The following ROBO2 variants were observed in gnomAD, a reference collection of about 807,000 sequenced individuals.
ROBO2 encodes the protein roundabout guidance receptor 2, also known as roundabout homolog 2.
A neutral mutation model predicts 160.8 loss-of-function variants in ROBO2; 53 were observed. The observed-to-expected ratio is 0.33, with a 90% confidence interval of 0.26 to 0.41. The LOEUF (loss-of-function observed/expected upper bound fraction) is 0.41, where lower values mean the gene tolerates loss of function less well. Ranked by LOEUF, ROBO2 falls within the 10% of genes least tolerant of loss-of-function variation. ROBO2 has a pLI of 1.00. For missense variants in ROBO2, 1,577 were observed against 1,722.4 expected, an observed-to-expected ratio of 0.92 and a Z score of 1.49; for synonymous variants, 664 against 611.7, an observed-to-expected ratio of 1.09 and a Z score of -1.26.
rs190957083 is a variant in ROBO2, at chr3:76,234,190, T to A, written c.109+296588T>A. 2.8e-4 allele frequency among the ~76,000 whole-genome samples: 43 copies of A among 152,344 alleles called. No individual in the cohort carries two copies. The East Asian group carries it at 7.9e-3, about 28-fold the overall frequency. On this transcript the variant is annotated intron_variant, in intron 2 of 26. Transcript: ENST00000487694. ...GGTTGCATAGTATTCCACGTGTATATGTACCACGTTTTTAAATCCAGTCTG... is the reference window on the plus strand; with the variant it reads ...GGTTGCATAGTATTCCACGTGTATAAGTACCACGTTTTTAAATCCAGTCTG...
intron 2 of ROBO2, among the ~76,000 whole-genome samples, chr3:76,997,039 G>T (rs2061054521): frequency 6.6e-6 from 1 of 152,038 alleles, no homozygotes; most frequent in Non-Finnish European, 1.5e-5. Flanking sequence ...TATTTAATTT[G>T]TATCCCTTCT....
At chr3:76,031,540 A>G (rs1009920893) in intron 2 of ROBO2, among the ~76,000 whole-genome samples, 1 of 152,152 alleles carries the variant, frequency 6.6e-6, no homozygotes, top group African/African-American at 2.4e-5. Flanking sequence ...AGGTCCCATC[A>G]ATACCGAATT....
intron 2 of ROBO2, among the ~76,000 whole-genome samples, chr3:76,981,817 C>T (rs945675146): frequency 2.0e-5 from 3 of 152,068 alleles, no homozygotes; most frequent in African/African-American, 7.2e-5. Context: ...ACAGGGACAT[C>T]ACATGGCAAA....
intron 2 of ROBO2, among the ~76,000 whole-genome samples, chr3:77,401,094 G>A (rs1218879797): frequency 6.6e-6 from 1 of 151,976 alleles, no homozygotes; most frequent in African/African-American, 2.4e-5. Context: ...GGATACAAAA[G>A]CATTGTAGAA....
rs1455706617 is a variant in ROBO2, at chr3:77,493,347, G to A, written c.771G>A (p.Arg257=). The change falls in exon 5 of 26, where the codon AGG becomes AGA. Residue 257 remains arginine (R), a synonymous_variant. Coordinates refer to ENST00000461745, the Ensembl canonical transcript of ROBO2. ...AAGGAGATCCTCAACCAACTGTGAG[G>A]TGGAAAAAGGATGATGCAGACTTGC... is the stretch of plus-strand genomic sequence containing the variant. The A allele has an allele frequency of 3.1e-6, 5 of 1,613,856 alleles. No individual in the cohort carries two copies. The African/African-American group carries it at 5.3e-5, about 17-fold the overall frequency.
At chr3:77,434,368 T>C (rs1359849653) in intron 2 of ROBO2, among the ~76,000 whole-genome samples, 1 of 152,268 alleles carries the variant, frequency 6.6e-6, no homozygotes, top group Non-Finnish European at 1.5e-5. Flanking sequence ...TAAACAAGTA[T>C]GTAATTGTGT....
chr3:76,256,357 TACACAC>T (rs746860395), intron 2 of ROBO2, among the ~76,000 whole-genome samples: 1 of 106,618 alleles, frequency 9.4e-6, no homozygotes, highest in African/African-American at 3.6e-5. Flanking sequence ...CTCTCTCACA[TACACAC>T]ACACACACAC....
intron 22 of ROBO2, among the ~76,000 whole-genome samples, chr3:77,621,811 T>C (rs566470313): frequency 4.6e-5 from 7 of 152,214 alleles, no homozygotes; most frequent in African/African-American, 1.7e-4. Context: ...CTTTTCTTCA[T>C]AAGGGCCAGC....
chr3:76,454,589 C>G (rs1210132569), intron 2 of ROBO2, among the ~76,000 whole-genome samples: 4 of 152,098 alleles, frequency 2.6e-5, no homozygotes, highest in Admixed American at 6.6e-5. Context: ...TATTTAACTT[C>G]CCTGAGTTCC....
At position 77,562,864 on chromosome 3, in the gene ROBO2, T is replaced by C. The variant is rs1582965317; in HGVS notation, c.1519+132T>C. 4.0e-6 allele frequency: 3 copies of C among 752,616 alleles called. No individual in the cohort carries two copies. The East Asian group carries it at 8.0e-5, about 20-fold the overall frequency. The allele number at this position is 752,616 out of a possible 1,614,324, so 46.6% of individuals were successfully genotyped here. A position where few individuals can be genotyped will look rare whatever the true frequency, so the allele number is the denominator to read the frequency against. On this transcript the variant is annotated intron_variant, in intron 10 of 25. Coordinates refer to ENST00000461745, the Ensembl canonical transcript of ROBO2. ...TTTTAGCCTTTACATTCAATGCCAT[T>C]TTTTAATTCATGCATGAATTTGCAC...
At chr3:77,098,786 G>T (rs1054571785) in intron 2 of ROBO2, among the ~76,000 whole-genome samples, 7 of 152,084 alleles carry the variant, frequency 4.6e-5, no homozygotes, top group African/African-American at 1.4e-4. Flanking sequence ...AACCCGGGAG[G>T]CGGAGCTTGC....
chr3:77,585,706 G>A (rs80010678), intron 16 of ROBO2, among the ~76,000 whole-genome samples: 1 of 151,856 alleles, frequency 6.6e-6, no homozygotes, highest in Admixed American at 6.6e-5. Context: ...ATCTACTCTT[G>A]TACTGAGAAG....
chr3:77,363,895 G>A (rs953700536), intron 2 of ROBO2, among the ~76,000 whole-genome samples: 10 of 152,090 alleles, frequency 6.6e-5, no homozygotes, highest in Non-Finnish European at 1.2e-4. Flanking sequence ...AAGGGGAGCA[G>A]AAGACAGGGG....
At chr3:76,903,933 G>GAAAAGA (rs61076061) in intron 2 of ROBO2, among the ~76,000 whole-genome samples, 77,292 of 149,532 alleles carry the variant, frequency 0.52, 20,314 homozygotes, top group Middle Eastern at 0.61. Flanking sequence ...TACTTGGGAA[G>GAAAAGA]AAAAGAAAAA....
At chr3:77,175,305 G>A (rs2080036401) in intron 2 of ROBO2, among the ~76,000 whole-genome samples, 1 of 151,990 alleles carries the variant, frequency 6.6e-6, no homozygotes, top group Non-Finnish European at 1.5e-5. Context: ...TAGAAGTCTT[G>A]CAAATCCATT....
At chr3:77,564,589 G>GTATA in intron 11 of ROBO2, 2 of 402,056 alleles carry the variant, frequency 5.0e-6, no homozygotes, top group East Asian at 6.6e-5. Flanking sequence ...TCTTTTCAAG[G>GTATA]TATATATATA....
intron 2 of ROBO2, among the ~76,000 whole-genome samples, chr3:76,243,537 C>A (rs1231642441): frequency 6.6e-6 from 1 of 152,214 alleles, no homozygotes; most frequent in Non-Finnish European, 1.5e-5. Flanking sequence ...CCGGGAGTCT[C>A]TGGGAGAGAC....
In ROBO2 at chr3:76,669,822, A is replaced by G. The variant is rs139116902; in HGVS notation, c.110-428192A>G. Among the ~76,000 whole-genome samples the G allele has an allele frequency of 3.6e-4, 55 of 152,278 alleles. No individual in the cohort carries two copies. In the East Asian group the frequency reaches 0.01, roughly 29 times the overall value. On this transcript the variant is annotated intron_variant, in intron 2 of 26. Coordinates refer to the ROBO2 transcript ENST00000487694. The stretch of plus-strand genomic sequence containing the variant: ...TTTAATTAAAACTTTGTTTCCATCA[A>G]TACGTTAACCACACAAGTTTTCTTC...
intron 2 of ROBO2, among the ~76,000 whole-genome samples, chr3:77,381,716 A>G (rs1412093051): frequency 6.6e-6 from 1 of 152,246 alleles, no homozygotes; most frequent in Non-Finnish European, 1.5e-5. Flanking sequence ...GGTACTTGTG[A>G]ACATCATCAT....
Sources: allele counts gnomAD v4.1 joint callset (sites outside exome capture counted in the v4.1 genomes callset), GRCh38; gene constraint gnomAD v4.1.1; transcripts MANE v1.5; gene names NCBI Gene and HGNC (gene_info 2026-07-23, HGNC 2026-07-21).